Variants in NAV3 observed in about 807,000 individuals in gnomAD.
The protein encoded by NAV3 is neuron navigator 3.
NAV3 carries 87 observed loss-of-function variants against 244.7 expected under a neutral mutation model. The ratio of observed to expected loss-of-function variants is 0.36; its 90% CI spans 0.30 to 0.42. The LOEUF (loss-of-function observed/expected upper bound fraction) is 0.42. NAV3 is among the 20% of genes least tolerant of loss of function. The probability of loss-of-function intolerance (pLI) is 1.00; values close to 1 mark genes in which losing one functional copy is unlikely to be tolerated. For missense variants in NAV3, 2,663 were observed against 2,893.3 expected (o/e 0.92, Z 1.83); for synonymous variants, 1,126 against 1,042.2 (o/e 1.08, Z -1.55).
intron 1 of NAV3, among the ~76,000 whole-genome samples, chr12:77,843,360 T>C (rs2136186809): frequency 6.6e-6 from 1 of 152,200 alleles, no homozygotes; most frequent in South Asian, 2.1e-4. Context: ...GTCTGCACTG[T>C]GGACCCCAGG....
chr12:77,935,245 G>A (rs192510066), intron 1 of NAV3, among the ~76,000 whole-genome samples: 24 of 152,162 alleles, frequency 1.6e-4, no homozygotes, highest in African/African-American at 5.8e-4. Flanking sequence ...CAAATGTTTA[G>A]GACTTCAAGG....
At chr12:78,206,748 G>A (rs1178571139) in intron 39 of NAV3, among the ~76,000 whole-genome samples, 2 of 151,816 alleles carry the variant, frequency 1.3e-5, no homozygotes, top group South Asian at 2.1e-4. Context: ...GAGTTATGAG[G>A]TCTTACATGC....
At chr12:78,072,024 G>A (rs905592002) in intron 12 of NAV3, among the ~76,000 whole-genome samples, 5 of 152,092 alleles carry the variant, frequency 3.3e-5, no homozygotes, top group African/African-American at 4.8e-5. Flanking sequence ...TCTCTGGGAC[G>A]CATTCAAAGC....
chr12:78,177,587 T>G (rs1958291505), intron 27 of NAV3, 33 bp from the exon 28 acceptor site: 1 of 1,573,188 alleles, frequency 6.4e-7, no homozygotes, highest in Admixed American at 1.7e-5. Context: ...TGGGCATTTG[T>G]CCATGTATCT....
intron 2 of NAV3, among the ~76,000 whole-genome samples, chr12:77,598,962 A>G (rs1870298255): frequency 6.6e-6 from 1 of 151,980 alleles, no homozygotes; most frequent in African/African-American, 2.4e-5. Context: ...TTCACCTTGC[A>G]TAACTGAATG....
At chr12:77,976,079 C>G (rs545688498) in intron 5 of NAV3, among the ~76,000 whole-genome samples, 4 of 152,010 alleles carry the variant, frequency 2.6e-5, no homozygotes, top group Admixed American at 2.0e-4. Flanking sequence ...TGTACGTTAT[C>G]GATATAGTAT....
At chr12:78,015,513 T>C (rs938830624) in intron 8 of NAV3, among the ~76,000 whole-genome samples, 1 of 152,064 alleles carries the variant, frequency 6.6e-6, no homozygotes, top group Admixed American at 6.6e-5. Context: ...GTCAGGAATG[T>C]CATCGAAATG....
chr12:77,767,960 G>C (rs1303784980), intron 2 of NAV3, among the ~76,000 whole-genome samples: 3 of 152,230 alleles, frequency 2.0e-5, no homozygotes, highest in African/African-American at 7.2e-5. Flanking sequence ...GACAACTGGA[G>C]GGTGAGCAAG....
chr12:77,802,124 T>C (rs1226622345), intron 2 of NAV3, among the ~76,000 whole-genome samples: 2 of 152,198 alleles, frequency 1.3e-5, no homozygotes, highest in East Asian at 3.9e-4. Context: ...AGAAGGAGCC[T>C]TTGGCCTAAA....
chr12:77,612,437 TG>T (rs1417714310), intron 2 of NAV3, among the ~76,000 whole-genome samples: 1 of 152,138 alleles, frequency 6.6e-6, no homozygotes, highest in Non-Finnish European at 1.5e-5. Context: ...CAACTTGCTT[TG>T]CACTTTTCAG....
chr12:77,622,305 G>A (rs1018392683), intron 2 of NAV3, among the ~76,000 whole-genome samples: 1 of 151,952 alleles, frequency 6.6e-6, no homozygotes, highest in African/African-American at 2.4e-5. Context: ...GACTACAGGT[G>A]CCCGCCACCA....
intron 16 of NAV3, among the ~76,000 whole-genome samples, chr12:78,125,579 C>G (rs924488785): frequency 6.6e-6 from 1 of 152,112 alleles, no homozygotes; most frequent in Non-Finnish European, 1.5e-5. Context: ...GCAACGCTGC[C>G]TTGACATTTC....
chr12:77,657,449 A>G (rs893102452), intron 2 of NAV3, among the ~76,000 whole-genome samples: 1 of 152,242 alleles, frequency 6.6e-6, no homozygotes, highest in African/African-American at 2.4e-5. Flanking sequence ...AGGAGCTGAA[A>G]TTGTGGCAAT....
chr12:78,001,978 C>A (rs1022193911), intron 7 of NAV3, among the ~76,000 whole-genome samples: 5 of 152,158 alleles, frequency 3.3e-5, no homozygotes, highest in Non-Finnish European at 7.3e-5. Flanking sequence ...TATGAGAGTA[C>A]TCTAGACAGA....
intron 8 of NAV3, among the ~76,000 whole-genome samples, chr12:78,013,301 A>T (rs1875627100): frequency 6.6e-6 from 1 of 152,168 alleles, no homozygotes; most frequent in African/African-American, 2.4e-5. Flanking sequence ...GAACAACAAA[A>T]TGCAGCTGGA....
chr12:77,643,901 C>A (rs1054383605), intron 2 of NAV3, among the ~76,000 whole-genome samples: 2 of 152,028 alleles, frequency 1.3e-5, no homozygotes, highest in Non-Finnish European at 1.5e-5. Context: ...CAATATTAAA[C>A]TAGTCTTCCT....
intron 2 of NAV3, among the ~76,000 whole-genome samples, chr12:77,749,573 T>C (rs976479769): frequency 3.3e-5 from 5 of 152,192 alleles, no homozygotes; most frequent in Non-Finnish European, 5.9e-5. Flanking sequence ...AGTGAAGATA[T>C]AGCTTGATAA....
intron 1 of NAV3, among the ~76,000 whole-genome samples, chr12:77,834,937 T>C (rs1407269431): frequency 6.6e-6 from 1 of 152,046 alleles, no homozygotes; most frequent in Non-Finnish European, 1.5e-5. Flanking sequence ...AAGGTAGTTA[T>C]ATTAGAGAGA....
At chr12:77,873,744 G>GTGTGTGTGTATATATATATA (rs776225440) in intron 1 of NAV3, among the ~76,000 whole-genome samples, 14 of 73,180 alleles carry the variant, frequency 1.9e-4, no homozygotes, top group East Asian at 4.8e-4. Flanking sequence ...ATGTGTGTGT[G>GTGTGTGTGTATATATATATA]TATATATATA....
Sources: allele counts gnomAD v4.1 joint callset (sites outside exome capture counted in the v4.1 genomes callset), GRCh38; gene constraint gnomAD v4.1.1; transcripts MANE v1.5; gene names NCBI Gene and HGNC (gene_info 2026-07-23, HGNC 2026-07-21).